FUBP1: variants seen among roughly 807,000 people sequenced by gnomAD.
FUBP1 encodes far upstream element-binding protein 1.
Under a neutral mutation model 94.9 loss-of-function variants are expected in FUBP1, and 16 were observed. The observed-to-expected ratio is 0.17, with a 90% CI of 0.11 to 0.26. FUBP1 has a LOEUF of 0.26. FUBP1 is among the 10% of genes least tolerant of loss of function. The pLI, the probability that FUBP1 is intolerant of heterozygous loss-of-function variation, is 1.00. For missense variants in FUBP1, 583 were observed against 808.6 expected, an observed-to-expected ratio of 0.72 and a Z score of 3.38; for synonymous variants, 279 against 254.9, an observed-to-expected ratio of 1.09 and a Z score of -0.90.
chr1:77,953,049 T>C (rs1653796383), intron 18 of FUBP1, among the ~76,000 whole-genome samples: 3 of 151,666 alleles, frequency 2.0e-5, no homozygotes, highest in Non-Finnish European at 4.4e-5. Flanking sequence ...GGCAGGAGAA[T>C]AGCTTGAACC....
rs773878309 is a variant in FUBP1, at chr1:77,965,099, T to C, written c.606A>G (p.Gly202=). 5 of 1,612,134 alleles carry C rather than the reference T, an allele frequency of 3.1e-6. No homozygotes were observed. In the Admixed American group the frequency reaches 5.0e-5, roughly 16 times the overall value. The change falls in exon 8 of 20, where the codon GGA becomes GGG. Residue 202 remains glycine, a synonymous_variant. Coordinates refer to ENST00000370768, the MANE Select transcript of FUBP1 (RefSeq NM_003902.5). The part of the protein sequence containing the change: ...IPASKAGLVI[G]KGGETIKQLQ... ...GCTGTTTAATAGTTTCTCCCCCTTT[T>C]CCAATGACTAATCCTGCCTTGCTAG...
chr1:77,962,411 C>T (rs1435481635), intron 14 of FUBP1, among the ~76,000 whole-genome samples: 1 of 152,058 alleles, frequency 6.6e-6, no homozygotes, highest in African/African-American at 2.4e-5. Context: ...ATCTTGTTTG[C>T]CTCGCTGGGG....
chr1:77,956,423 T>C (rs1007335), intron 17 of FUBP1, 149 bp downstream of exon 17: 13,560 of 513,176 alleles, frequency 0.026, 566 homozygotes, highest in African/African-American at 0.14. Flanking sequence ...AGTTTGAAAC[T>C]ATTTCAAAGT....
chr1:77,969,915 T>C lies in FUBP1; in HGVS notation c.211+10A>G. ...GAAAAACAATTTAAAATACTTAGAG[T>C]ATAACTTACCTCCATCTTCTAAAGG... is the stretch of plus-strand genomic sequence containing the variant. On this transcript the variant is annotated intron_variant, in intron 2 of 19. Transcript: ENST00000370768. 1 of 1,243,026 alleles carries C rather than the reference T, an allele frequency of 8.0e-7. No homozygotes were observed. The highest frequency in any genetic ancestry group is 1.2e-6 in the Non-Finnish European group (1 of 857,670). The allele number at this position is 1,243,026 out of a possible 1,614,324, so 77.0% of individuals were successfully genotyped here.
chr1:77,974,182 C>A (rs1444521695), intron 1 of FUBP1, among the ~76,000 whole-genome samples: 2 of 146,518 alleles, frequency 1.4e-5, no homozygotes, highest in Non-Finnish European at 3.0e-5. Context: ...GTTGCCCAGG[C>A]TGGCATGCAG....
chr1:77,963,319 A>C (rs1231493217), intron 13 of FUBP1, among the ~76,000 whole-genome samples: 9 of 152,198 alleles, frequency 5.9e-5, no homozygotes, highest in Non-Finnish European at 1.3e-4. Flanking sequence ...TTTTTGGGTC[A>C]AAAGACATTT....
chr1:77,977,622 TAAATA>T (rs1658921626), intron 1 of FUBP1, among the ~76,000 whole-genome samples: 1 of 152,180 alleles, frequency 6.6e-6, no homozygotes, highest in Admixed American at 6.6e-5. Context: ...TTGGTTCCAG[TAAATA>T]AAATAGTTCC....
intron 18 of FUBP1, 151 bp from the exon 19 acceptor site, chr1:77,949,451 T>A: frequency 1.7e-6 from 1 of 591,920 alleles, no homozygotes; most frequent in South Asian, 2.4e-5. Context: ...AAAAAACCCC[T>A]AAACTTTAAT....
intron 1 of FUBP1, among the ~76,000 whole-genome samples, chr1:77,974,804 A>C (rs978170654): frequency 6.6e-6 from 1 of 152,208 alleles, no homozygotes; most frequent in African/African-American, 2.4e-5. Flanking sequence ...GAGGTTAAGA[A>C]CAGACTATTG....
At chr1:77,953,118 G>T (rs1283508631) in intron 18 of FUBP1, among the ~76,000 whole-genome samples, 2 of 151,856 alleles carry the variant, frequency 1.3e-5, no homozygotes, top group Non-Finnish European at 2.9e-5. Context: ...GTAAGACCAA[G>T]ACTCCGTCTT....
chr1:77,955,173 T>C, intron 18 of FUBP1, 82 bp downstream of exon 18: 1 of 679,018 alleles, frequency 1.5e-6, no homozygotes, highest in Non-Finnish European at 2.6e-6. Context: ...CCAGTGATTT[T>C]ATTCAATTAT....
At position 77,964,579 on chromosome 1, in the gene FUBP1, A is replaced by C. The variant is rs1480476472; in HGVS notation, c.837+67T>G. ...AACAATGTTAGAGCTACTTAACACA[A>C]AACAGAAAACACTATTATATTTATG... is the stretch of plus-strand genomic sequence containing the variant. On this transcript the variant is annotated intron_variant, in intron 10 of 19. Transcript: ENST00000370768. The C allele has an allele frequency of 3.2e-6, 3 of 932,034 alleles. No individual in the cohort carries two copies. The African/African-American group carries it at 4.9e-5, about 15-fold the overall frequency. 57.7% of individuals were successfully genotyped at this position (932,034 alleles called of 1,614,324 possible). A position where few individuals can be genotyped will look rare whatever the true frequency, so the allele number is the denominator to read the frequency against.
At chr1:77,953,099 G>C (rs1006894227) in intron 18 of FUBP1, among the ~76,000 whole-genome samples, 1 of 151,940 alleles carries the variant, frequency 6.6e-6, no homozygotes, top group Non-Finnish European at 1.5e-5. Context: ...TCGCACCATT[G>C]CTTGGGGAGT....
At chr1:77,961,173 C>T (rs552020814) in intron 14 of FUBP1, among the ~76,000 whole-genome samples, 49 of 152,222 alleles carry the variant, frequency 3.2e-4, no homozygotes, top group African/African-American at 9.9e-4. Flanking sequence ...TCATTAATAA[C>T]GCTTAACTGA....
At chr1:77,954,463 T>G (rs1279983813) in intron 18 of FUBP1, among the ~76,000 whole-genome samples, 1 of 152,206 alleles carries the variant, frequency 6.6e-6, no homozygotes, top group Non-Finnish European at 1.5e-5. Context: ...AAACCAGTTG[T>G]GCAAAACAAC....
chr1:77,967,400 CT>C (rs561542154), intron 4 of FUBP1, among the ~76,000 whole-genome samples: 14 of 152,192 alleles, frequency 9.2e-5, no homozygotes, highest in African/African-American at 3.4e-4. Flanking sequence ...TAATTCACCC[CT>C]GTTCTTCTAA....
chr1:77,970,044 T>A (rs2102456099), intron 1 of FUBP1, 29 bp from the exon 2 acceptor site: 1 of 1,174,434 alleles, frequency 8.5e-7, no homozygotes, highest in Non-Finnish European at 1.3e-6. Context: ...AATACCATCA[T>A]AAACTATTAT....
chr1:77,949,363 T>G (rs1652893096), intron 18 of FUBP1, 63 bp from the exon 19 acceptor site: 1 of 1,299,978 alleles, frequency 7.7e-7, no homozygotes, highest in East Asian at 2.3e-5. Flanking sequence ...TCATTTCTAA[T>G]AAAAACAATA....
chr1:77,977,849 C>A (rs1225383230), intron 1 of FUBP1, among the ~76,000 whole-genome samples: 1 of 152,190 alleles, frequency 6.6e-6, no homozygotes, highest in Non-Finnish European at 1.5e-5. Flanking sequence ...AGATGTGTTA[C>A]AACGGATTTT....
Sources: gnomAD v4.1 joint callset for allele counts (sites outside exome capture counted in the v4.1 genomes callset) on GRCh38, gnomAD v4.1.1 for gene constraint, MANE v1.5 for transcripts, NCBI Gene and HGNC (gene_info 2026-07-23, HGNC 2026-07-21) for gene names.